PRR5L: variants seen among roughly 807,000 people sequenced by gnomAD.
PRR5L encodes the protein proline-rich protein 5-like.
A neutral mutation model predicts 36.4 loss-of-function variants in PRR5L; 21 were observed. That is an observed-to-expected ratio of 0.58 (90% confidence interval 0.41 to 0.83). The LOEUF is 0.83. PRR5L is among the 40% of genes least tolerant of loss of function. The pLI, the probability that PRR5L is intolerant of heterozygous loss-of-function variation, is 0.00. For synonymous variants in PRR5L, 188 were observed against 197.0 expected (o/e 0.95, Z 0.38); for missense variants, 381 against 473.3 (o/e 0.80, Z 1.81).
chr11:36,363,549 C>A (rs577003796), intron 1 of PRR5L, among the ~76,000 whole-genome samples: 1 of 152,344 alleles, frequency 6.6e-6, no homozygotes, highest in Non-Finnish European at 1.5e-5. Context: ...TTCTTTTCCC[C>A]TTCCTCCTGA....
chr11:36,400,775 C>G (rs1460499203), intron 1 of PRR5L, among the ~76,000 whole-genome samples: 1 of 152,218 alleles, frequency 6.6e-6, no homozygotes, highest in Non-Finnish European at 1.5e-5. Context: ...TGGCCTTAGG[C>G]TGGCCCCATT....
intron 8 of PRR5L, among the ~76,000 whole-genome samples, chr11:36,455,731 G>A (rs1350124058): frequency 6.6e-6 from 1 of 152,202 alleles, no homozygotes; most frequent in Non-Finnish European, 1.5e-5. Flanking sequence ...AAGAGTGTCG[G>A]TCGCTGTCTG....
chr11:36,437,763 G>C (rs1304467471), intron 6 of PRR5L, among the ~76,000 whole-genome samples: 1 of 152,100 alleles, frequency 6.6e-6, no homozygotes, highest in East Asian at 1.9e-4. Context: ...TTAGTTTTCA[G>C]AAGTACAGAA....
intron 1 of PRR5L, among the ~76,000 whole-genome samples, chr11:36,392,267 G>A: frequency 6.6e-6 from 1 of 152,228 alleles, no homozygotes; most frequent in East Asian, 1.9e-4. Context: ...GAATAGTGCT[G>A]CAATAAACAT....
At chr11:36,407,029 A>G (rs191063369) in intron 3 of PRR5L, among the ~76,000 whole-genome samples, 1 of 152,364 alleles carries the variant, frequency 6.6e-6, no homozygotes, top group Admixed American at 6.5e-5. Context: ...TGCTAAAAGC[A>G]TCCTTAGCAC....
chr11:36,336,263 C>G (rs11033560), intron 1 of PRR5L, among the ~76,000 whole-genome samples: 15,267 of 152,196 alleles, frequency 0.1, 824 homozygotes, highest in Non-Finnish European at 0.12. Flanking sequence ...GATGAGGTCT[C>G]TGTTGCCCAG....
intron 1 of PRR5L, among the ~76,000 whole-genome samples, chr11:36,364,279 C>T (rs1446247078): frequency 6.6e-6 from 1 of 152,152 alleles, no homozygotes; most frequent in African/African-American, 2.4e-5. Context: ...TAAATTAATA[C>T]ACATATTTAA....
At chr11:36,311,936 T>C (rs1027011706) in intron 1 of PRR5L, among the ~76,000 whole-genome samples, 1 of 152,154 alleles carries the variant, frequency 6.6e-6, no homozygotes, top group Non-Finnish European at 1.5e-5. Context: ...TGTAACTCTA[T>C]GTAGCTATAA....
At chr11:36,345,880 C>T (rs1223105386) in intron 1 of PRR5L, among the ~76,000 whole-genome samples, 1 of 152,196 alleles carries the variant, frequency 6.6e-6, no homozygotes, top group Non-Finnish European at 1.5e-5. Context: ...GAGACATATT[C>T]TGTTTCCTAA....
chr11:36,401,204 G>A lies in PRR5L; in HGVS notation c.83G>A (p.Ser28Asn). Residue 28 changes from serine (S) to asparagine (N), a missense_variant, in exon 2 of 9, where the codon AGC (serine) becomes AAC (asparagine). Ser to Asn is a conservative substitution (Grantham distance 46, BLOSUM62 1). Coordinates refer to ENST00000530639, the MANE Select transcript of PRR5L (RefSeq NM_001160167.2). Reference protein sequence around the residue: ...SFRRPRPRFMSSPVLSDLPRF... With the variant: ...SFRRPRPRFMNSPVLSDLPRF... Reference sequence around the variant, plus strand: ...CGCAGGCCTAGACCGCGCTTCATGAGCTCCCCCGTGCTCAGCGACCTTCCC... The same window carrying A: ...CGCAGGCCTAGACCGCGCTTCATGAACTCCCCCGTGCTCAGCGACCTTCCC... 3 of 1,614,058 alleles carry A rather than the reference G, an allele frequency of 1.9e-6. No individual in the cohort carries two copies. Among genetic ancestry groups the A allele is most frequent in the South Asian group, 1.1e-5 (1 of 91,078 alleles).
At chr11:36,313,187 A>C (rs1428937163) in intron 1 of PRR5L, among the ~76,000 whole-genome samples, 1 of 152,214 alleles carries the variant, frequency 6.6e-6, no homozygotes, top group Non-Finnish European at 1.5e-5. Context: ...AGCAGCACCA[A>C]ATTGTTAGTT....
chr11:36,414,297 C>G (rs1252751801), intron 3 of PRR5L, among the ~76,000 whole-genome samples: 1 of 149,860 alleles, frequency 6.7e-6, no homozygotes, highest in Non-Finnish European at 1.5e-5. Context: ...ACACTGACTT[C>G]CACAATGGTT....
intron 1 of PRR5L, among the ~76,000 whole-genome samples, chr11:36,297,628 T>G (rs765241981): frequency 1.3e-5 from 2 of 152,188 alleles, no homozygotes; most frequent in Non-Finnish European, 2.9e-5. Flanking sequence ...AAAATTAAGG[T>G]AGGTCCACAA....
chr11:36,347,702 C>A (rs959665473), intron 1 of PRR5L, among the ~76,000 whole-genome samples: 1 of 151,702 alleles, frequency 6.6e-6, no homozygotes, highest in Non-Finnish European at 1.5e-5. Context: ...CAGGCTGTGC[C>A]CTGAACCACT....
intron 6 of PRR5L, among the ~76,000 whole-genome samples, chr11:36,438,040 C>T (rs1361817587): frequency 1.3e-5 from 2 of 152,116 alleles, no homozygotes; most frequent in African/African-American, 2.4e-5. Context: ...AGCATAGCTC[C>T]ATTGTATCTC....
At chr11:36,416,564 C>T (rs149853976) in intron 3 of PRR5L, among the ~76,000 whole-genome samples, 2 of 152,344 alleles carry the variant, frequency 1.3e-5, no homozygotes, top group African/African-American at 4.8e-5. Context: ...TTATTCCTAA[C>T]CATTACCATC....
chr11:36,408,935 G>T lies in PRR5L; in HGVS notation c.245+5557G>T, dbSNP rs919833563. The stretch of plus-strand genomic sequence containing the variant: ...CCATTGATTCATTGATTTATTTATT[G>T]AATAAATGTGGAGTGCTCTGCCCAG... On this transcript the variant is annotated intron_variant, in intron 3 of 8. Coordinates refer to ENST00000530639, the MANE Select transcript of PRR5L (RefSeq NM_001160167.2). 5.9e-5 allele frequency among the ~76,000 whole-genome samples: 9 copies of T among 152,256 alleles called. No individual in the cohort carries two copies. The South Asian group carries it at 6.2e-4, about 11-fold the overall frequency.
intron 1 of PRR5L, among the ~76,000 whole-genome samples, chr11:36,354,936 T>C (rs940892937): frequency 2.0e-5 from 3 of 152,282 alleles, no homozygotes; most frequent in Non-Finnish European, 4.4e-5. Flanking sequence ...CTTATGCAAA[T>C]TCAGGAGATG....
At chr11:36,350,234 A>C (rs1385872307) in intron 1 of PRR5L, among the ~76,000 whole-genome samples, 1 of 140,404 alleles carries the variant, frequency 7.1e-6, no homozygotes, top group Non-Finnish European at 1.6e-5. Flanking sequence ...TGTGGGGGGT[A>C]TAAGTGAGTG....
Sources: gnomAD v4.1 joint callset for allele counts (sites outside exome capture counted in the v4.1 genomes callset) on GRCh38, gnomAD v4.1.1 for gene constraint, MANE v1.5 for transcripts, NCBI Gene and HGNC (gene_info 2026-07-23, HGNC 2026-07-21) for gene names.